The following RBPJ variants were observed in gnomAD, a reference collection of about 807,000 sequenced individuals.
RBPJ encodes recombining binding protein suppressor of hairless.
RBPJ carries 9 observed loss-of-function variants against 67.8 expected under a neutral mutation model. The observed-to-expected ratio is 0.13, with a 90% CI of 0.08 to 0.23. The LOEUF (loss-of-function observed/expected upper bound fraction) is 0.23, where lower values mean the gene tolerates loss of function less well. Ranked by LOEUF, RBPJ falls within the 10% of genes least tolerant of loss-of-function variation. The pLI is 1.00. For synonymous variants in RBPJ, 198 were observed against 203.3 expected, an observed-to-expected ratio of 0.97 and a Z score of 0.22; for missense variants, 305 against 595.6, an observed-to-expected ratio of 0.51 and a Z score of 5.08.
At chr4:26,420,870 A>G in intron 5 of RBPJ, 145 bp downstream of exon 5, 1 of 660,696 alleles carries the variant, frequency 1.5e-6, no homozygotes, top group Non-Finnish European at 2.5e-6. Flanking sequence ...CTCTTTTTTT[A>G]ATCGTAAATC....
At chr4:26,327,047 C>A (rs923808107) in intron 1 of RBPJ, among the ~76,000 whole-genome samples, 5 of 152,098 alleles carry the variant, frequency 3.3e-5, no homozygotes, top group African/African-American at 1.2e-4. Flanking sequence ...GCAGCTGTAA[C>A]AATGTAGGAA....
intron 1 of RBPJ, among the ~76,000 whole-genome samples, chr4:26,258,768 C>A (rs974559380): frequency 2.0e-5 from 3 of 150,858 alleles, no homozygotes; most frequent in Non-Finnish European, 4.4e-5. Context: ...TGAAAAATAT[C>A]TGTGCCCTTT....
chr4:26,132,608 G>C, the RBPJ span, among the ~76,000 whole-genome samples: 3 of 152,126 alleles, frequency 2.0e-5, no homozygotes, highest in Non-Finnish European at 4.4e-5. Context: ...TCTGCCCCAG[G>C]ACTCATATAC....
chr4:26,128,654 T>G, the RBPJ span, among the ~76,000 whole-genome samples: 1 of 152,208 alleles, frequency 6.6e-6, no homozygotes, highest in African/African-American at 2.4e-5. Flanking sequence ...TTAGCCTATA[T>G]TCTGATGACT....
At chr4:26,118,463 G>A in the RBPJ span, among the ~76,000 whole-genome samples, 2 of 152,170 alleles carry the variant, frequency 1.3e-5, no homozygotes, top group Non-Finnish European at 2.9e-5. Flanking sequence ...CAAAACAGGT[G>A]CTACCTCCTC....
intron 1 of RBPJ, among the ~76,000 whole-genome samples, chr4:26,256,237 C>T (rs1258117654): frequency 1.3e-5 from 2 of 151,940 alleles, no homozygotes; most frequent in African/African-American, 2.4e-5. Context: ...CAAGCCACAG[C>T]CCCACCCTGC....
rs2109254106 is a variant in RBPJ at position 26,264,112 on chromosome 4, G to A, written c.-166-98334G>A. ...GGCTGCAGGCTGGTCTTGAACTCTC[G>A]ACTCAGGTGATCCACCCAACTCAAC... On this transcript the variant is annotated intron_variant, in intron 1 of 4. Transcript: ENST00000512351. This position sits in a 1 kb window ranked among gnomAD's most constrained non-coding sequence, Gnocchi z 4.1. Among the ~76,000 whole-genome samples the A allele has an allele frequency of 6.8e-6, 1 of 146,544 alleles. No individual in the cohort carries two copies. The highest frequency in any genetic ancestry group is 2.1e-4 in the East Asian group (1 of 4,726).
intron 2 of RBPJ, among the ~76,000 whole-genome samples, chr4:26,394,087 C>T (rs1016017402): frequency 2.0e-5 from 3 of 149,472 alleles, no homozygotes; most frequent in African/African-American, 4.9e-5. Flanking sequence ...AGTGCAGTGG[C>T]GCGATCTCTG....
At chr4:26,190,307 C>T (rs948674794) in intron 1 of RBPJ, among the ~76,000 whole-genome samples, 2 of 152,156 alleles carry the variant, frequency 1.3e-5, no homozygotes, top group Non-Finnish European at 1.5e-5. Flanking sequence ...GACTAAGATA[C>T]CCAACTTCTA....
intron 1 of RBPJ, chr4:26,272,715 A>T (rs1227412721): frequency 4.4e-6 from 2 of 454,142 alleles, no homozygotes; most frequent in African/African-American, 4.0e-5. Context: ...AATAGGGCTT[A>T]CTTTTCTCTG....
intron 1 of RBPJ, among the ~76,000 whole-genome samples, chr4:26,289,965 T>C (rs911300266): frequency 1.3e-5 from 2 of 150,656 alleles, no homozygotes; most frequent in African/African-American, 4.9e-5. Flanking sequence ...ATATTCTATA[T>C]TGTCAATTAA....
intron 1 of RBPJ, among the ~76,000 whole-genome samples, chr4:26,283,476 C>T (rs7658233): frequency 2.7e-5 from 4 of 150,772 alleles, no homozygotes; most frequent in African/African-American, 9.7e-5. Context: ...ACCCGGGAGG[C>T]GGAGGTTGAA....
At chr4:26,402,011 C>T (rs1057348454) in intron 2 of RBPJ, among the ~76,000 whole-genome samples, 1 of 151,582 alleles carries the variant, frequency 6.6e-6, no homozygotes, top group Non-Finnish European at 1.5e-5. Flanking sequence ...GCCTCAGCCT[C>T]CCGAGTAGCT....
At chr4:26,351,409 T>TG in intron 1 of RBPJ, among the ~76,000 whole-genome samples, 1 of 152,214 alleles carries the variant, frequency 6.6e-6, no homozygotes, top group East Asian at 1.9e-4. Flanking sequence ...TATTTTTTGG[T>TG]GGGGGGTGGG....
intron 1 of RBPJ, among the ~76,000 whole-genome samples, chr4:26,216,946 C>A (rs560964373): frequency 6.6e-6 from 1 of 152,006 alleles, no homozygotes; most frequent in Non-Finnish European, 1.5e-5. Context: ...CAAGGAGGAT[C>A]ATGACCAGGT....
intron 1 of RBPJ, among the ~76,000 whole-genome samples, chr4:26,337,541 T>TA (rs1724987125): frequency 1.3e-5 from 2 of 151,970 alleles, no homozygotes; most frequent in African/African-American, 4.8e-5. Context: ...TTTTTTTTTT[T>TA]ATACTGCTGC....
the RBPJ span, among the ~76,000 whole-genome samples, chr4:26,153,563 C>A: frequency 6.6e-6 from 1 of 152,150 alleles, no homozygotes; most frequent in Non-Finnish European, 1.5e-5. Context: ...TAGTGGATAG[C>A]TTTTTTCAAA....
chr4:26,118,855 C>T, the RBPJ span, among the ~76,000 whole-genome samples: 8 of 152,258 alleles, frequency 5.3e-5, no homozygotes, highest in Non-Finnish European at 8.8e-5. Flanking sequence ...TTGCACTCTC[C>T]ATCACACACT....
At chr4:26,417,873 A>G (rs1214298798) in intron 4 of RBPJ, among the ~76,000 whole-genome samples, 1 of 152,220 alleles carries the variant, frequency 6.6e-6, no homozygotes, top group Non-Finnish European at 1.5e-5. Context: ...CTTATTTTAA[A>G]TATTCACTGC....
Sources: allele counts gnomAD v4.1 joint callset (sites outside exome capture counted in the v4.1 genomes callset), GRCh38; gene constraint gnomAD v4.1.1; non-coding constraint Gnocchi (gnomAD v3.1); transcripts MANE v1.5; gene names NCBI Gene and HGNC (gene_info 2026-07-23, HGNC 2026-07-21).